C3orf20: variants seen among roughly 807,000 people sequenced by gnomAD.
C3orf20 encodes the protein uncharacterized protein C3orf20.
C3orf20 carries 76 observed loss-of-function variants against 88.3 expected under a neutral mutation model. The observed-to-expected ratio is 0.86, with a 90% CI of 0.72 to 1.04. The LOEUF (loss-of-function observed/expected upper bound fraction) is 1.04. C3orf20 is among the 50% of genes least tolerant of loss of function. The probability of loss-of-function intolerance (pLI) is 0.00; values close to 1 mark genes in which losing one functional copy is unlikely to be tolerated. For synonymous variants in C3orf20, 436 were observed against 437.4 expected (o/e 1.00, Z 0.04); for missense variants, 1,056 against 1,123.3 (o/e 0.94, Z 0.86).
At chr3:14,748,469 A>G (rs1214843242) in intron 12 of C3orf20, among the ~76,000 whole-genome samples, 3 of 152,006 alleles carry the variant, frequency 2.0e-5, no homozygotes, top group South Asian at 2.1e-4. Context: ...ACTGACTCCA[A>G]TCATTATTAT....
intron 3 of C3orf20, 72 bp downstream of exon 3, chr3:14,683,269 G>T: frequency 6.7e-7 from 1 of 1,501,796 alleles, no homozygotes; most frequent in Non-Finnish European, 8.8e-7. Flanking sequence ...CACATGCTGG[G>T]AACAGGTGGC....
chr3:14,728,265 C>T (rs1297089559), intron 11 of C3orf20, among the ~76,000 whole-genome samples, 174 bp from the exon 12 acceptor site: 1 of 152,098 alleles, frequency 6.6e-6, no homozygotes, highest in African/African-American at 2.4e-5. Context: ...GATGAGTGCA[C>T]TGGGACAGGA....
chr3:14,715,171 C>A, intron 8 of C3orf20, 118 bp from the exon 9 acceptor site: 1 of 1,300,246 alleles, frequency 7.7e-7, no homozygotes, highest in Middle Eastern at 2.8e-4. Context: ...GACTGCAGGA[C>A]TCCACCACTC....
At chr3:14,719,128 T>G (rs1046210028) in intron 9 of C3orf20, among the ~76,000 whole-genome samples, 7 of 150,608 alleles carry the variant, frequency 4.6e-5, no homozygotes, top group Admixed American at 4.0e-4. Flanking sequence ...GGTCATTGTT[T>G]TTTTTTTTTT....
intron 12 of C3orf20, among the ~76,000 whole-genome samples, chr3:14,756,715 G>T (rs1410420431): frequency 6.6e-6 from 1 of 152,232 alleles, no homozygotes; most frequent in Non-Finnish European, 1.5e-5. Flanking sequence ...CTGAAGTGCA[G>T]TGAGCAAAGG....
chr3:14,728,304 G>A (rs1407715103), intron 11 of C3orf20, 135 bp from the exon 12 acceptor site: 1 of 991,196 alleles, frequency 1.0e-6, no homozygotes, highest in Non-Finnish European at 1.5e-6. Context: ...GAGGGGAGGT[G>A]CCGGAGAATC....
intron 12 of C3orf20, among the ~76,000 whole-genome samples, chr3:14,746,881 A>C (rs778622136): frequency 3.9e-5 from 6 of 152,260 alleles, no homozygotes; most frequent in Non-Finnish European, 7.3e-5. Context: ...ACAGAGCTTA[A>C]AGCTCATAAT....
At chr3:14,680,681 T>C (rs2124878671) in intron 1 of C3orf20, among the ~76,000 whole-genome samples, 1 of 152,362 alleles carries the variant, frequency 6.6e-6, no homozygotes, top group Non-Finnish European at 1.5e-5. Flanking sequence ...TTTTTATCTG[T>C]AAGATATATC....
At chr3:14,688,935 T>C (rs1161277129) in intron 4 of C3orf20, among the ~76,000 whole-genome samples, 1 of 152,208 alleles carries the variant, frequency 6.6e-6, no homozygotes, top group Non-Finnish European at 1.5e-5. Context: ...GTAATGTTCA[T>C]GTTCCACATT....
chr3:14,726,839 G>A, intron 10 of C3orf20, 62 bp from the exon 11 acceptor site: 1 of 1,609,652 alleles, frequency 6.2e-7, no homozygotes, highest in African/African-American at 1.3e-5. Context: ...AGTTATCCTG[G>A]ACTAGGCAGC....
intron 9 of C3orf20, among the ~76,000 whole-genome samples, chr3:14,715,753 T>G (rs2033915271): frequency 6.6e-6 from 1 of 152,240 alleles, no homozygotes; most frequent in South Asian, 2.1e-4. Context: ...GCTTTATTTT[T>G]AATGCCTATG....
At chr3:14,765,460 A>G (rs1418806472) in intron 15 of C3orf20, 2 of 152,234 alleles carry the variant, frequency 1.3e-5, no homozygotes, top group East Asian at 3.9e-4. Context: ...CAGTGCCAGG[A>G]GCTGACATTG....
chr3:14,718,217 T>C lies in C3orf20; in HGVS notation c.1434+2808T>C, dbSNP rs146150853. ...CCCAAGGGTTCCTAAAGCTCTCTTA[T>C]GTTGTTGTTATTCACATTATTTTTC... On this transcript the variant is annotated intron_variant, in intron 9 of 16. Coordinates refer to ENST00000253697, the MANE Select transcript of C3orf20 (RefSeq NM_032137.5). Among the ~76,000 whole-genome samples, 736 of 152,246 alleles carry C rather than the reference T, an allele frequency of 4.8e-3. 7 individuals carry two copies. The highest frequency in any genetic ancestry group is 0.017 in the African/African-American group (691 of 41,576).
intron 12 of C3orf20, among the ~76,000 whole-genome samples, chr3:14,750,506 G>C (rs1039416067): frequency 2.7e-5 from 4 of 150,306 alleles, no homozygotes; most frequent in South Asian, 2.1e-4. Context: ...AGTGAGCTGT[G>C]ATCATGCTAC....
chr3:14,772,595 A>G lies in C3orf20; in HGVS notation c.2631-196A>G, dbSNP rs896071892. Among the ~76,000 whole-genome samples, 7 of 152,246 alleles carry G rather than the reference A, an allele frequency of 4.6e-5. No homozygotes were observed. Among genetic ancestry groups the G allele is most frequent in the African/African-American group, 1.7e-4 (7 of 41,466 alleles). ...ATGGCGTGGAAATCACATATTTCTC[A>G]TGAAGATAGAAAAGCAAAATTAGGA... is the stretch of plus-strand genomic sequence containing the variant. On this transcript the variant is annotated intron_variant, in intron 16 of 16. Transcript: ENST00000253697. This position sits in a 1 kb window ranked among gnomAD's most constrained non-coding sequence, Gnocchi z 4.2.
rs576740791 is a variant in C3orf20 at position 14,760,132 on chromosome 3, G to A, written c.2352+134G>A. 7.5e-4 allele frequency: 541 copies of A among 717,464 alleles called. 1 individual carries two copies. The highest frequency in any genetic ancestry group is 1.0e-3 in the Non-Finnish European group (411 of 412,528). The allele number at this position is 717,464 out of a possible 1,614,324, so 44.4% of individuals were successfully genotyped here. ...GGGGCTGCGGAATTATCTCCCCACCGTGGCTGAGGCCCAGAGAGCAGGAAG... is the reference window on the plus strand; with the variant it reads ...GGGGCTGCGGAATTATCTCCCCACCATGGCTGAGGCCCAGAGAGCAGGAAG... On this transcript the variant is annotated intron_variant, in intron 14 of 16. Coordinates refer to ENST00000253697, the MANE Select transcript of C3orf20 (RefSeq NM_032137.5).
At chr3:14,720,459 AAGGAAGT>A (rs2034112774) in intron 9 of C3orf20, among the ~76,000 whole-genome samples, 2 of 152,196 alleles carry the variant, frequency 1.3e-5, no homozygotes, top group South Asian at 4.1e-4. Context: ...AGAAACTCAA[AAGGAAGT>A]TAAGCGTAGA....
At chr3:14,720,608 G>A (rs568052160) in intron 9 of C3orf20, among the ~76,000 whole-genome samples, 11 of 152,112 alleles carry the variant, frequency 7.2e-5, no homozygotes, top group Admixed American at 2.0e-4. Flanking sequence ...CATCCTGGGG[G>A]TATTTGTAGA....
At chr3:14,703,361 A>ATACAC in intron 6 of C3orf20, 99 bp downstream of exon 6, 1 of 1,565,110 alleles carries the variant, frequency 6.4e-7, no homozygotes, top group Non-Finnish European at 8.6e-7. Flanking sequence ...ACAGTCACAG[A>ATACAC]AGTGTGTGAG....
Sources: allele counts gnomAD v4.1 joint callset (sites outside exome capture counted in the v4.1 genomes callset), GRCh38; gene constraint gnomAD v4.1.1; non-coding constraint Gnocchi (gnomAD v3.1); transcripts MANE v1.5; gene names NCBI Gene and HGNC (gene_info 2026-07-23, HGNC 2026-07-21).